The following ARFGEF2 variants were observed in gnomAD, a reference collection of about 807,000 sequenced individuals.
ARFGEF2 encodes the protein brefeldin A-inhibited guanine nucleotide-exchange protein 2.
A neutral mutation model predicts 219.9 loss-of-function variants in ARFGEF2; 74 were observed. The observed-to-expected ratio is 0.34, with a 90% CI of 0.28 to 0.41. The LOEUF is 0.41. ARFGEF2 is among the 10% of genes least tolerant of loss of function. ARFGEF2 has a pLI of 1.00. For missense variants in ARFGEF2, 1,743 were observed against 2,218.3 expected (o/e 0.79, Z 4.30); for synonymous variants, 733 against 799.2 (o/e 0.92, Z 1.40).
At chr20:48,973,432 C>A (rs972622006) in intron 12 of ARFGEF2, 148 bp downstream of exon 12, 1 of 891,596 alleles carries the variant, frequency 1.1e-6, no homozygotes, top group Non-Finnish European at 1.8e-6. Context: ...CATCATGAAA[C>A]GACATTAAAG....
rs190538415 is a variant in ARFGEF2 at position 49,016,468 on chromosome 20, G to T, written c.4315+53G>T. On this transcript the variant is annotated intron_variant, in intron 31 of 38. Transcript: ENST00000371917. ...TTTCTTACATAGTCTTTAATGAGAGGTTAGTTTTTTCAATATTTAAAAGCA... is the reference window on the plus strand; with the variant it reads ...TTTCTTACATAGTCTTTAATGAGAGTTTAGTTTTTTCAATATTTAAAAGCA... 3.9e-4 allele frequency: 622 copies of T among 1,593,096 alleles called. 1 individual carries two copies. Among genetic ancestry groups the T allele is most frequent in the Middle Eastern group, 6.2e-4 (3 of 4,870 alleles).
chr20:49,010,446 A>C (rs780199603), intron 27 of ARFGEF2, 42 bp downstream of exon 27: 4 of 1,606,412 alleles, frequency 2.5e-6, no homozygotes, highest in Non-Finnish European at 3.4e-6. Context: ...CCCACCTGCA[A>C]GTCTAGAAGA....
chr20:49,028,024 G>A (rs927276374), intron 36 of ARFGEF2, among the ~76,000 whole-genome samples: 6 of 152,090 alleles, frequency 3.9e-5, no homozygotes, highest in South Asian at 2.1e-4. Flanking sequence ...TTGGGAGGCC[G>A]AGGCAGGCAG....
intron 36 of ARFGEF2, among the ~76,000 whole-genome samples, chr20:49,026,446 C>G (rs1192188430): frequency 6.6e-6 from 1 of 152,084 alleles, no homozygotes; most frequent in Non-Finnish European, 1.5e-5. Flanking sequence ...ATTTACTTTC[C>G]TACCTCCAAA....
chr20:48,926,535 T>C (rs2090877926), intron 1 of ARFGEF2, among the ~76,000 whole-genome samples: 1 of 151,974 alleles, frequency 6.6e-6, no homozygotes, highest in African/African-American at 2.4e-5. Flanking sequence ...CTCAGGTCAC[T>C]GCAACCTCTC....
intron 25 of ARFGEF2, among the ~76,000 whole-genome samples, chr20:48,999,721 T>A (rs888105295): frequency 2.9e-5 from 4 of 136,328 alleles, no homozygotes; most frequent in African/African-American, 1.1e-4. Context: ...CCCTCCAGCC[T>A]GGGCGACAGA....
At position 49,036,209 on chromosome 20, in the gene ARFGEF2, G is replaced by C. The variant is rs911002246; in HGVS notation, c.*3010G>C. On this transcript the variant is annotated 3_prime_UTR_variant, in exon 39 of 39. Coordinates refer to ENST00000371917, the MANE Select transcript of ARFGEF2 (RefSeq NM_006420.3). ...CTGTTTTAATATTTGTGTTAAAGTA[G>C]ACATAGCTGAACTCACATGGAATCC... The C allele has an allele frequency of 2.5e-6, 1 of 398,192 alleles. No individual in the cohort carries two copies. Among genetic ancestry groups the C allele is most frequent in the African/African-American group, 2.1e-5 (1 of 48,598 alleles). 24.7% of individuals were successfully genotyped at this position (398,192 alleles called of 1,614,324 possible). A position where few individuals can be genotyped will look rare whatever the true frequency, so the allele number is the denominator to read the frequency against.
rs2091514194 is a variant in ARFGEF2, at chr20:49,013,688, G to A, written c.4043G>A (p.Arg1348Gln). ...ATTAATAGATGCAAGTTAGATGTAC[G>A]AACAAGGTAACCATGTTCCCGTGCG... is the stretch of plus-strand genomic sequence containing the variant. ...CIINRCKLDV[R>Q]TRGLTVMFEI... The change falls in exon 29 of 39, where the codon CGA becomes CAA. Residue 1348 changes from arginine to glutamine, a missense_variant. Physicochemically the swap from Arg to Gln is conservative, Grantham distance 43 (BLOSUM62 1). Coordinates refer to ENST00000371917, the MANE Select transcript of ARFGEF2 (RefSeq NM_006420.3). 5 of 1,613,944 alleles carry A rather than the reference G, an allele frequency of 3.1e-6. No homozygotes were observed. Among genetic ancestry groups the A allele is most frequent in the Non-Finnish European group, 2.5e-6 (3 of 1,180,036 alleles).
intron 20 of ARFGEF2, among the ~76,000 whole-genome samples, chr20:48,990,447 C>G (rs866163578): frequency 6.6e-6 from 1 of 152,146 alleles, no homozygotes; most frequent in Non-Finnish European, 1.5e-5. Flanking sequence ...GAAACTGTTA[C>G]GAAATTAGGA....
At chr20:48,938,974 T>G (rs1201083710) in intron 1 of ARFGEF2, among the ~76,000 whole-genome samples, 1 of 148,732 alleles carries the variant, frequency 6.7e-6, no homozygotes, top group Non-Finnish European at 1.5e-5. Flanking sequence ...TGGGTTTTTT[T>G]TGTTTGTTTT....
In ARFGEF2 at chr20:49,019,559, T is replaced by C. The variant is rs552990530; in HGVS notation, c.4624+561T>C. ...ACTGCATTGAATAACCCAATACATA[T>C]GTCATTTGTGAATTTATGTAATAAA... On this transcript the variant is annotated intron_variant, in intron 34 of 38. Transcript: ENST00000371917. Among the ~76,000 whole-genome samples, 6 of 152,340 alleles carry C rather than the reference T, an allele frequency of 3.9e-5. No individual in the cohort carries two copies. In the South Asian group the frequency reaches 6.2e-4, roughly 16 times the overall value.
Position 49,016,270 on chromosome 20 carries a change from G to A in ARFGEF2, c.4180-10G>A. 2 of 1,613,618 alleles carry A rather than the reference G, an allele frequency of 1.2e-6. No homozygotes were observed. The highest frequency in any genetic ancestry group is 1.1e-5 in the South Asian group (1 of 91,002). On this transcript the variant is annotated splice_polypyrimidine_tract_variant and intron_variant, in intron 30 of 38. Coordinates refer to ENST00000371917, the MANE Select transcript of ARFGEF2 (RefSeq NM_006420.3). ...AATAGCTTTTAAGTGTCATCTTTTT[G>A]TTTTCCCAGAAATCTGAGTGGATGA...
chr20:48,994,631 G>A (rs1047896439), intron 22 of ARFGEF2, 33 bp downstream of exon 22: 36 of 1,611,356 alleles, frequency 2.2e-5, no homozygotes, highest in Non-Finnish European at 2.8e-5. Context: ...TAACAGTCAC[G>A]GATTTGCAAG....
chr20:49,022,650 A>G, intron 34 of ARFGEF2, among the ~76,000 whole-genome samples: 1 of 152,176 alleles, frequency 6.6e-6, no homozygotes, highest in East Asian at 1.9e-4. Flanking sequence ...ACTTTTCCCA[A>G]CTAGTTTGCT....
chr20:48,931,284 C>T (rs1275185107), intron 1 of ARFGEF2, among the ~76,000 whole-genome samples: 1 of 151,428 alleles, frequency 6.6e-6, no homozygotes, highest in African/African-American at 2.4e-5. Context: ...GGGAGGGAGC[C>T]AGTTCAAGGA....
At chr20:49,016,470 T>G in intron 31 of ARFGEF2, 55 bp downstream of exon 31, 1 of 1,587,630 alleles carries the variant, frequency 6.3e-7, no homozygotes, top group Non-Finnish European at 8.6e-7. Context: ...AATGAGAGGT[T>G]AGTTTTTTCA....
chr20:48,988,379 C>T lies in ARFGEF2; in HGVS notation c.2352C>T (p.His784=), dbSNP rs2123459437. The change falls in exon 17 of 39, where the codon CAC becomes CAT. Residue 784 remains histidine (H), a synonymous_variant. Coordinates refer to ENST00000371917, the MANE Select transcript of ARFGEF2 (RefSeq NM_006420.3). ...YSIIMLTTDL[H]SPQVKNKMTK... ...TTATTATGCTGACTACAGACTTGCACAGTCCTCAGGTAAAGCACTTTAATG... is the reference window on the plus strand; with the variant it reads ...TTATTATGCTGACTACAGACTTGCATAGTCCTCAGGTAAAGCACTTTAATG... 6.2e-7 allele frequency: 1 copy of T among 1,613,588 alleles called. No homozygotes were observed. Among genetic ancestry groups the T allele is most frequent in the Non-Finnish European group, 8.5e-7 (1 of 1,179,888 alleles).
At chr20:48,973,730 G>C (rs2091243021) in intron 12 of ARFGEF2, among the ~76,000 whole-genome samples, 1 of 152,146 alleles carries the variant, frequency 6.6e-6, no homozygotes, top group South Asian at 2.1e-4. Flanking sequence ...CTTAACTGTA[G>C]GTTTCTGAAT....
At position 48,969,262 on chromosome 20, in the gene ARFGEF2, GC is replaced by G; in HGVS notation, c.1178del (p.Pro393LeufsTer78). 6.2e-7 allele frequency: 1 copy of G among 1,614,222 alleles called. No individual in the cohort carries two copies. The highest frequency in any genetic ancestry group is 1.1e-5 in the South Asian group (1 of 91,092). ...CKLSMKPLGEGPPDPKSHELR... is the reference protein window; with the variant it reads ...CKLSMKPLGEXPPDPKSHELR... Reference sequence around the variant, plus strand: ...CTGTCCATGAAACCCCTTGGTGAAGGCCCTCCAGACCCAAAGTAAGCAGACA... The same window carrying G: ...CTGTCCATGAAACCCCTTGGTGAAGGCCTCCAGACCCAAAGTAAGCAGACA... On this transcript the variant is annotated frameshift_variant, in exon 9 of 39. Coordinates refer to ENST00000371917, the MANE Select transcript of ARFGEF2 (RefSeq NM_006420.3). LOFTEE classifies it high-confidence loss of function.
Sources: gnomAD v4.1 joint callset for allele counts (sites outside exome capture counted in the v4.1 genomes callset) on GRCh38, gnomAD v4.1.1 for gene constraint, MANE v1.5 for transcripts, NCBI Gene and HGNC (gene_info 2026-07-23, HGNC 2026-07-21) for gene names.